ACTR3C: variants seen among roughly 807,000 people sequenced by gnomAD.
ACTR3C encodes the protein actin-related protein 3C.
In ACTR3C, 18 loss-of-function variants were observed where a neutral mutation model predicts 26.3. The ratio of observed to expected loss-of-function variants is 0.68; its 90% CI spans 0.47 to 1.01. The LOEUF (loss-of-function observed/expected upper bound fraction) is 1.01. Ranked by LOEUF, ACTR3C falls within the 50% of genes least tolerant of loss-of-function variation. ACTR3C has a pLI of 0.00. For synonymous variants in ACTR3C, 55 were observed against 94.5 expected (o/e 0.58, Z 2.42); for missense variants, 184 against 250.7 (o/e 0.73, Z 1.80).
chr7:150,280,386 A>C (rs1403783014), intron 6 of ACTR3C, among the ~76,000 whole-genome samples: 1 of 152,238 alleles, frequency 6.6e-6, no homozygotes, highest in African/African-American at 2.4e-5. Flanking sequence ...CATCAGACGG[A>C]AATAAAAATC....
At chr7:149,996,097 T>C in the ACTR3C span, among the ~76,000 whole-genome samples, 1 of 152,166 alleles carries the variant, frequency 6.6e-6, no homozygotes, top group Non-Finnish European at 1.5e-5. Flanking sequence ...AAAGGCATGT[T>C]GGGACCAGAC....
chr7:150,012,317 CTT>C, the ACTR3C span, among the ~76,000 whole-genome samples: 9 of 131,224 alleles, frequency 6.9e-5, 1 homozygote, highest in Admixed American at 7.9e-5. Flanking sequence ...ATAAATGCAT[CTT>C]TTTTTTTTTT....
intron 1 of ACTR3C, among the ~76,000 whole-genome samples, chr7:150,297,226 T>A (rs945279526): frequency 1.3e-5 from 2 of 149,684 alleles, no homozygotes; most frequent in Non-Finnish European, 2.9e-5. Context: ...ATCAAGTATG[T>A]TACAAAATCA....
the ACTR3C span, among the ~76,000 whole-genome samples, chr7:150,191,535 CAATT>C: frequency 1.3e-5 from 2 of 152,092 alleles, no homozygotes; most frequent in African/African-American, 2.4e-5. Flanking sequence ...CATAGAAAAA[CAATT>C]AATTTTTGTG....
At chr7:149,886,513 A>ACTC in the ACTR3C span, among the ~76,000 whole-genome samples, 1,223 of 152,320 alleles carry the variant, frequency 8.0e-3, 15 homozygotes, top group African/African-American at 0.028. Flanking sequence ...ATTGAGAGGG[A>ACTC]CACTGGCACT....
At chr7:150,127,381 TA>T in the ACTR3C span, among the ~76,000 whole-genome samples, 1 of 152,174 alleles carries the variant, frequency 6.6e-6, no homozygotes, top group South Asian at 2.1e-4. Context: ...GACCTCCACA[TA>T]GTCCATTTTA....
At chr7:150,010,154 C>T in the ACTR3C span, among the ~76,000 whole-genome samples, 1 of 152,346 alleles carries the variant, frequency 6.6e-6, no homozygotes, top group Admixed American at 6.5e-5. Context: ...CCCTCCTGTC[C>T]CACAGCCTCA....
the ACTR3C span, among the ~76,000 whole-genome samples, chr7:150,237,846 AC>A: frequency 1.2e-4 from 18 of 150,716 alleles, no homozygotes; most frequent in African/African-American, 4.4e-4. Context: ...CTGGGAGCAG[AC>A]TTAAAGTTTT....
the ACTR3C span, among the ~76,000 whole-genome samples, chr7:149,956,517 C>A: frequency 6.6e-6 from 1 of 152,056 alleles, no homozygotes; most frequent in African/African-American, 2.4e-5. Context: ...GAAGTGTTAC[C>A]CATGTTTACA....
At chr7:149,969,269 CTG>C in the ACTR3C span, among the ~76,000 whole-genome samples, 1,688 of 141,176 alleles carry the variant, frequency 0.012, 25 homozygotes, top group African/African-American at 0.036. Context: ...TCAGAAAGAG[CTG>C]TGTGTGTGTG....
At chr7:150,141,702 C>G in the ACTR3C span, among the ~76,000 whole-genome samples, 2 of 152,106 alleles carry the variant, frequency 1.3e-5, no homozygotes, top group Non-Finnish European at 2.9e-5. Flanking sequence ...CTCATCTCAG[C>G]AGGTGAAGTG....
the ACTR3C span, among the ~76,000 whole-genome samples, chr7:150,186,213 T>TA: frequency 2.0e-5 from 3 of 152,184 alleles, no homozygotes; most frequent in South Asian, 2.1e-4. Context: ...AGAATACACC[T>TA]AAGTGACTAA....
the ACTR3C span, among the ~76,000 whole-genome samples, chr7:150,108,342 TC>T: frequency 6.6e-6 from 1 of 150,676 alleles, no homozygotes; most frequent in African/African-American, 2.5e-5. Flanking sequence ...AAATCAGAAG[TC>T]AGGAATAGGA....
chr7:149,992,708 G>A, the ACTR3C span, among the ~76,000 whole-genome samples: 5 of 152,326 alleles, frequency 3.3e-5, no homozygotes, highest in East Asian at 1.9e-4. Context: ...GTGGGCAACC[G>A]TATTGGTCAG....
chr7:150,106,286 T>G, the ACTR3C span, among the ~76,000 whole-genome samples: 3 of 150,224 alleles, frequency 2.0e-5, no homozygotes, highest in Admixed American at 6.6e-5. Flanking sequence ...AAATTAGCCC[T>G]TGGGTAACTT....
chr7:149,917,489 A>T, the ACTR3C span, among the ~76,000 whole-genome samples: 1 of 152,164 alleles, frequency 6.6e-6, no homozygotes, highest in Admixed American at 6.5e-5. Flanking sequence ...AAGTCAGGAA[A>T]ATTAACCTAT....
chr7:150,130,206 A>G, the ACTR3C span, among the ~76,000 whole-genome samples: 2 of 152,218 alleles, frequency 1.3e-5, no homozygotes, highest in East Asian at 3.8e-4. Context: ...GTGCAAATTA[A>G]AACTATAAAA....
At chr7:150,255,160 T>C (rs1324173444) in intron 6 of ACTR3C, among the ~76,000 whole-genome samples, 1 of 151,392 alleles carries the variant, frequency 6.6e-6, no homozygotes, top group Non-Finnish European at 1.5e-5. Flanking sequence ...GTAGATTGCG[T>C]GTTCAATGGA....
chr7:150,004,030 G>A, the ACTR3C span, among the ~76,000 whole-genome samples: 2 of 151,946 alleles, frequency 1.3e-5, no homozygotes, highest in Admixed American at 6.6e-5. Context: ...GGTATTTGAT[G>A]TGTGTGTATG....
Sources: gnomAD v4.1 joint callset for allele counts (sites outside exome capture counted in the v4.1 genomes callset) on GRCh38, gnomAD v4.1.1 for gene constraint, MANE v1.5 for transcripts, NCBI Gene and HGNC (gene_info 2026-07-23, HGNC 2026-07-21) for gene names.